The following FMNL2 variants were observed in gnomAD, a reference collection of about 807,000 sequenced individuals.
FMNL2 encodes the protein formin-like protein 2.
Under a neutral mutation model 130.2 loss-of-function variants are expected in FMNL2, and 51 were observed. That is an observed-to-expected ratio of 0.39 (90% CI 0.31 to 0.49). The LOEUF (loss-of-function observed/expected upper bound fraction) is 0.49, where lower values mean the gene tolerates loss of function less well. Among genes scored for constraint, FMNL2 ranks in the 20% least tolerant of loss-of-function variants. FMNL2 has a pLI of 0.85. For missense variants in FMNL2, 977 were observed against 1,316.2 expected (o/e 0.74, Z 3.99); for synonymous variants, 465 against 467.1 (o/e 1.00, Z 0.06).
At chr2:152,516,212 T>A (rs970548726) in intron 1 of FMNL2, among the ~76,000 whole-genome samples, 1 of 152,092 alleles carries the variant, frequency 6.6e-6, no homozygotes, top group Non-Finnish European at 1.5e-5. Flanking sequence ...GTTCTAGAGA[T>A]CCGTTGCACA....
chr2:152,409,976 G>A (rs1181511381), intron 1 of FMNL2, among the ~76,000 whole-genome samples: 1 of 152,130 alleles, frequency 6.6e-6, no homozygotes, highest in Non-Finnish European at 1.5e-5. Flanking sequence ...GTGTGAACTC[G>A]AGACAAAACG....
chr2:152,475,897 A>G (rs1271529423), intron 1 of FMNL2, among the ~76,000 whole-genome samples: 1 of 152,344 alleles, frequency 6.6e-6, no homozygotes, highest in Non-Finnish European at 1.5e-5. Context: ...CAGTGTATAC[A>G]TAGATCTAAA....
At chr2:152,492,569 G>T (rs552976631) in intron 1 of FMNL2, among the ~76,000 whole-genome samples, 2 of 152,046 alleles carry the variant, frequency 1.3e-5, no homozygotes, top group Non-Finnish European at 2.9e-5. Context: ...CTTTGTAAGG[G>T]GGGTGTTCAA....
chr2:152,497,616 A>G (rs1054236691), intron 1 of FMNL2, among the ~76,000 whole-genome samples: 2 of 152,118 alleles, frequency 1.3e-5, no homozygotes, highest in African/African-American at 4.8e-5. Flanking sequence ...TCCTGTATAT[A>G]TATTTTTTAC....
intron 9 of FMNL2, 68 bp downstream of exon 9, chr2:152,581,117 T>C (rs762063398): frequency 3.6e-6 from 5 of 1,395,518 alleles, no homozygotes; most frequent in Admixed American, 3.6e-5. Context: ...TGAACGGAAT[T>C]ATTTACCTTT....
intron 9 of FMNL2, among the ~76,000 whole-genome samples, chr2:152,595,884 T>A (rs956609841): frequency 2.6e-5 from 4 of 152,108 alleles, no homozygotes; most frequent in African/African-American, 9.7e-5. Context: ...AGAGAACAGT[T>A]AGGGGCTGTT....
intron 13 of FMNL2, among the ~76,000 whole-genome samples, chr2:152,618,537 C>G (rs1393741469): frequency 1.3e-5 from 2 of 152,184 alleles, no homozygotes; most frequent in Admixed American, 6.5e-5. Flanking sequence ...AGAACACCCT[C>G]AGGAGATTCC....
intron 1 of FMNL2, among the ~76,000 whole-genome samples, chr2:152,486,865 C>T (rs1690855823): frequency 6.6e-6 from 1 of 152,144 alleles, no homozygotes; most frequent in Admixed American, 6.5e-5. Context: ...CGTAATCCTA[C>T]TATTTGAGGG....
intron 1 of FMNL2, among the ~76,000 whole-genome samples, chr2:152,388,690 T>G (rs1361650718): frequency 6.6e-6 from 1 of 152,238 alleles, no homozygotes; most frequent in Non-Finnish European, 1.5e-5. Flanking sequence ...CACCACAGAT[T>G]CTTCTTTTAA....
intron 11 of FMNL2, among the ~76,000 whole-genome samples, chr2:152,613,913 A>G (rs1308284651): frequency 6.6e-6 from 1 of 152,210 alleles, no homozygotes; most frequent in Admixed American, 6.5e-5. Context: ...GAGTCCCTGC[A>G]GGATGCCTAG....
At chr2:152,367,221 G>T (rs1683611634) in intron 1 of FMNL2, among the ~76,000 whole-genome samples, 1 of 151,836 alleles carries the variant, frequency 6.6e-6, no homozygotes, top group Non-Finnish European at 1.5e-5. Context: ...GATTACAGGT[G>T]CCTGCTGCCA....
intron 1 of FMNL2, among the ~76,000 whole-genome samples, chr2:152,421,320 T>G (rs1686907732): frequency 6.6e-6 from 1 of 152,236 alleles, no homozygotes; most frequent in Admixed American, 6.5e-5. Context: ...TTAATTATCC[T>G]ACTATATTTG....
At chr2:152,645,589 C>G (rs1242043779) in intron 25 of FMNL2, 3 of 1,081,576 alleles carry the variant, frequency 2.8e-6, no homozygotes, top group Non-Finnish European at 3.7e-6. Context: ...GGTTTTCAAT[C>G]TATGGCTGAG....
At position 152,495,653 on chromosome 2, in the gene FMNL2, C is replaced by CAAAAAAAAAAAAAA. The variant is rs55989531; in HGVS notation, c.118-26289_118-26276dup. Among the ~76,000 whole-genome samples, 18 of 48,552 alleles carry CAAAAAAAAAAAAAA rather than the reference C, an allele frequency of 3.7e-4. 1 individual carries two copies. Among genetic ancestry groups the CAAAAAAAAAAAAAA allele is most frequent in the African/African-American group, 6.4e-4 (9 of 14,142 alleles). The allele number at this position is 48,552 out of a possible 152,430, so 31.9% of individuals were successfully genotyped here. ...GTGACAGAGTGAGACTCCGTCTCAC[C>CAAAAAAAAAAAAAA]AAAAAAAAAAAAAAGATTTTTTTCA... is the stretch of plus-strand genomic sequence containing the variant. On this transcript the variant is annotated intron_variant, in intron 1 of 25. Transcript: ENST00000288670.
In FMNL2 at chr2:152,515,239, G is replaced by C. The variant is rs746085836; in HGVS notation, c.118-6704G>C. 2.0e-5 allele frequency among the ~76,000 whole-genome samples: 3 copies of C among 152,188 alleles called. No homozygotes were observed. The East Asian group carries it at 5.8e-4, about 29-fold the overall frequency. ...TCTCTGAGGTTCTGTCGGATTATTT[G>C]ACATGCTCCGTTTTATATTTGTGTA... On this transcript the variant is annotated intron_variant, in intron 1 of 25. Transcript: ENST00000288670.
intron 1 of FMNL2, among the ~76,000 whole-genome samples, chr2:152,464,419 C>G (rs150306275): frequency 6.6e-6 from 1 of 152,314 alleles, no homozygotes; most frequent in African/African-American, 2.4e-5. Context: ...GGCTTCCACT[C>G]TTCAGGGTGT....
At chr2:152,573,265 C>T (rs1696280971) in intron 6 of FMNL2, among the ~76,000 whole-genome samples, 1 of 152,170 alleles carries the variant, frequency 6.6e-6, no homozygotes, top group African/African-American at 2.4e-5. Context: ...AATAATTATT[C>T]AGGGTGAGAA....
chr2:152,448,651 C>G (rs1309134209), intron 1 of FMNL2, among the ~76,000 whole-genome samples: 1 of 152,202 alleles, frequency 6.6e-6, no homozygotes, highest in Non-Finnish European at 1.5e-5. Flanking sequence ...ACCAGATGCA[C>G]TCATCAAAGC....
intron 25 of FMNL2, among the ~76,000 whole-genome samples, chr2:152,642,732 C>T (rs1324519199): frequency 2.6e-5 from 4 of 152,180 alleles, no homozygotes; most frequent in East Asian, 1.9e-4. Flanking sequence ...CCTGGCTGGG[C>T]GAGGTGGCCC....
Sources: gnomAD v4.1 joint callset for allele counts (sites outside exome capture counted in the v4.1 genomes callset) on GRCh38, gnomAD v4.1.1 for gene constraint, MANE v1.5 for transcripts, NCBI Gene and HGNC (gene_info 2026-07-23, HGNC 2026-07-21) for gene names.